The following KMT2C variants were observed in gnomAD, a reference collection of about 807,000 sequenced individuals.
KMT2C encodes the protein lysine methyltransferase 2C, also known as histone-lysine N-methyltransferase 2C.
A neutral mutation model predicts 507.9 loss-of-function variants in KMT2C; 88 were observed. The observed-to-expected ratio is 0.17, with a 90% CI of 0.15 to 0.21. The LOEUF (loss-of-function observed/expected upper bound fraction) is 0.21, where lower values mean the gene tolerates loss of function less well. Ranked by LOEUF, KMT2C falls within the 10% of genes least tolerant of loss-of-function variation. KMT2C has a pLI of 1.00. For missense variants in KMT2C, 4,954 were observed against 5,957.8 expected, an observed-to-expected ratio of 0.83 and a Z score of 5.55; for synonymous variants, 2,049 against 2,080.8, an observed-to-expected ratio of 0.98 and a Z score of 0.42.
intron 38 of KMT2C, among the ~76,000 whole-genome samples, chr7:152,175,914 G>C (rs989578852): frequency 6.6e-6 from 1 of 152,118 alleles, no homozygotes; most frequent in African/African-American, 2.4e-5. Context: ...ATGGTGGCAC[G>C]TGTCTGTAGT....
rs2094192886 is a variant in KMT2C, at chr7:152,203,007, C to T, written c.4019G>A (p.Ser1340Asn). 1.2e-6 allele frequency: 2 copies of T among 1,609,918 alleles called. No individual in the cohort carries two copies. Among genetic ancestry groups the T allele is most frequent in the African/African-American group, 1.3e-5 (1 of 74,714 alleles). Residue 1340 changes from serine (S) to asparagine (N), a missense_variant, in exon 26 of 59, where the codon AGC (serine) becomes AAC (asparagine). Coordinates refer to ENST00000262189, the MANE Select transcript of KMT2C (RefSeq NM_170606.3). ...LVDESVSVTE[S>N]TEKIKKRYRK... Reference sequence around the variant, plus strand: ...GTATCTCTTCTTTATTTTTTCAGTGCTTTCAGTAACAGAAACAGATTCATC... The same window carrying T: ...GTATCTCTTCTTTATTTTTTCAGTGTTTTCAGTAACAGAAACAGATTCATC...
rs2129115053 is a variant in KMT2C at position 152,177,592 on chromosome 7, C to T, written c.7861G>A (p.Val2621Met). The change falls in exon 38 of 59, where the codon GTG (valine) becomes ATG (methionine). Residue 2621 changes from valine to methionine, a missense_variant. Val to Met is a conservative substitution (Grantham distance 21, BLOSUM62 1). Transcript: ENST00000262189. ...PPQGLPNQLP[V>M]HPDLEQVPPS... The stretch of plus-strand genomic sequence containing the variant: ...GGCACTTGTTCCAAATCTGGGTGCA[C>T]AGGTAGCTGATTAGGTAGACCCTGG... 24 of 1,614,102 alleles carry T rather than the reference C, an allele frequency of 1.5e-5. No individual in the cohort carries two copies. Among genetic ancestry groups the T allele is most frequent in the Non-Finnish European group, 1.9e-5 (23 of 1,180,030 alleles).
At chr7:152,362,271 A>G (rs1012528102) in intron 1 of KMT2C, among the ~76,000 whole-genome samples, 3 of 152,220 alleles carry the variant, frequency 2.0e-5, no homozygotes, top group African/African-American at 7.2e-5. Flanking sequence ...TAGAAGTAAC[A>G]GCAAATGCAA....
At chr7:152,352,762 C>T (rs2097123987) in intron 2 of KMT2C, among the ~76,000 whole-genome samples, 1 of 152,140 alleles carries the variant, frequency 6.6e-6, no homozygotes, top group African/African-American at 2.4e-5. Flanking sequence ...TAGAGAATAG[C>T]TGATTTCATA....
chr7:152,293,780 A>G (rs1040791791), intron 6 of KMT2C, among the ~76,000 whole-genome samples: 11 of 152,234 alleles, frequency 7.2e-5, no homozygotes, highest in Admixed American at 2.0e-4. Context: ...TTAATTTTCT[A>G]AAACAAATTT....
rs34778581 is a variant in KMT2C, at chr7:152,331,642, ATTTTT to A, written c.251-908_251-904del. On this transcript the variant is annotated intron_variant, in intron 2 of 58. Transcript: ENST00000262189. The stretch of plus-strand genomic sequence containing the variant: ...CAACAACAACAACAACAACAAAAAG[ATTTTT>A]TTTTTTTTTTTTTTTTTTTTGATGG... 8.1e-3 allele frequency among the ~76,000 whole-genome samples: 807 copies of A among 99,316 alleles called. 9 individuals carry two copies. Among genetic ancestry groups the A allele is most frequent in the African/African-American group, 0.034 (776 of 22,662 alleles). The allele number at this position is 99,316 out of a possible 152,430, so 65.2% of individuals were successfully genotyped here.
Position 152,186,743 on chromosome 7 carries a change from C to T in KMT2C, c.5008+519G>A, listed in dbSNP as rs548500547. 3.3e-5 allele frequency among the ~76,000 whole-genome samples: 5 copies of T among 152,240 alleles called. No homozygotes were observed. In the East Asian group the frequency reaches 5.8e-4, roughly 18 times the overall value. On this transcript the variant is annotated intron_variant, in intron 33 of 58. Transcript: ENST00000262189. ...TTGCTTGCATATATTCAATAATTGACATTTCATTAATCCAAATTTCTCATT... is the reference window on the plus strand; with the variant it reads ...TTGCTTGCATATATTCAATAATTGATATTTCATTAATCCAAATTTCTCATT...
intron 44 of KMT2C, among the ~76,000 whole-genome samples, chr7:152,156,552 A>G (rs1300692712): frequency 6.6e-6 from 1 of 152,172 alleles, no homozygotes; most frequent in Non-Finnish European, 1.5e-5. Context: ...TGGACATACC[A>G]ACTTGCTTAC....
At chr7:152,421,811 T>C (rs2097778771) in intron 1 of KMT2C, among the ~76,000 whole-genome samples, 1 of 152,080 alleles carries the variant, frequency 6.6e-6, no homozygotes, top group Non-Finnish European at 1.5e-5. Flanking sequence ...AGTGACAAAA[T>C]GATTTGTGCT....
At chr7:152,141,008 G>C (rs1462611867) in intron 55 of KMT2C, among the ~76,000 whole-genome samples, 1 of 152,252 alleles carries the variant, frequency 6.6e-6, no homozygotes, top group Admixed American at 6.5e-5. Context: ...GGGAAGCCAA[G>C]GCAGGCAGAT....
At chr7:152,435,298 G>C (rs548655977) in intron 1 of KMT2C, among the ~76,000 whole-genome samples, 34 of 152,182 alleles carry the variant, frequency 2.2e-4, no homozygotes, top group African/African-American at 7.7e-4. Flanking sequence ...CAATGATCCA[G>C]CTAGGCCAAG....
Position 152,162,483 on chromosome 7 carries a change from C to T in KMT2C, c.11094G>A (p.Thr3698=), listed in dbSNP as rs566426468. The T allele has an allele frequency of 1.6e-5, 26 of 1,614,226 alleles. No individual in the cohort carries two copies. The highest frequency in any genetic ancestry group is 3.3e-4 in the Middle Eastern group (2 of 6,062). ...GCTTGTCTACTTCTGAATTTGCATA[C>T]GTCTGTTGATTTGGAGTTGCTTGTG... ...DFSQATPNQQ[T]YANSEVDKLS... is the part of the protein sequence containing the mutation. Residue 3698 remains threonine, a synonymous_variant, in exon 43 of 59, where the codon ACG becomes ACA. Coordinates refer to ENST00000262189, the MANE Select transcript of KMT2C (RefSeq NM_170606.3).
intron 5 of KMT2C, among the ~76,000 whole-genome samples, chr7:152,310,297 T>A (rs1012092248): frequency 6.6e-6 from 1 of 152,202 alleles, no homozygotes; most frequent in Non-Finnish European, 1.5e-5. Context: ...AGAATCTGTC[T>A]GGGTGCAGTG....
Position 152,305,599 on chromosome 7 carries a change from T to C in KMT2C, c.849+4367A>G, listed in dbSNP as rs189828070. On this transcript the variant is annotated intron_variant, in intron 6 of 58. Transcript: ENST00000262189. ...AATAAAATGGGAAGTCACTGAAGAG[T>C]GTTAAGTAGAGCAGTGACATGACTG... Among the ~76,000 whole-genome samples the C allele has an allele frequency of 2.2e-3, 333 of 149,464 alleles. 3 individuals are homozygous for C. The highest frequency in any genetic ancestry group is 0.011 in the Middle Eastern group (3 of 284).
At chr7:152,152,454 T>C (rs2091710653) in intron 49 of KMT2C, among the ~76,000 whole-genome samples, 1 of 152,172 alleles carries the variant, frequency 6.6e-6, no homozygotes, top group African/African-American at 2.4e-5. Flanking sequence ...ACAGGCTTCT[T>C]CTGGCAGCCT....
intron 6 of KMT2C, among the ~76,000 whole-genome samples, chr7:152,292,289 T>C (rs1588964090): frequency 6.6e-6 from 1 of 152,108 alleles, no homozygotes; most frequent in African/African-American, 2.4e-5. Context: ...GCACTGGTAA[T>C]GAGAGAAATA....
intron 3 of KMT2C, among the ~76,000 whole-genome samples, chr7:152,328,242 G>A (rs2096848950): frequency 6.6e-6 from 1 of 152,194 alleles, no homozygotes; most frequent in South Asian, 2.1e-4. Context: ...ATTGGAGGAG[G>A]AGGAGAGGAC....
chr7:152,296,997 A>AAGAAAAAGAAAGAAAGAAAGAAAGAAAG (rs1235502213), intron 6 of KMT2C, among the ~76,000 whole-genome samples: 2 of 58,948 alleles, frequency 3.4e-5, no homozygotes, highest in Non-Finnish European at 7.3e-5. Flanking sequence ...GAAAGAAAGA[A>AAGAAAAAGAAAGAAAGAAAGAAAGAAAG]AAAGAAAGAA....
chr7:152,170,753 G>A (rs969611915), intron 40 of KMT2C, among the ~76,000 whole-genome samples: 1 of 152,034 alleles, frequency 6.6e-6, no homozygotes, highest in Non-Finnish European at 1.5e-5. Flanking sequence ...TGCCCATCTC[G>A]GCCTCCCAAA....
Sources: allele counts gnomAD v4.1 joint callset (sites outside exome capture counted in the v4.1 genomes callset), GRCh38; gene constraint gnomAD v4.1.1; transcripts MANE v1.5; gene names NCBI Gene and HGNC (gene_info 2026-07-23, HGNC 2026-07-21).